The following WIPF3 variants were observed in gnomAD, a reference collection of about 807,000 sequenced individuals.
The protein encoded by WIPF3 is WAS/WASL-interacting protein family member 3.
A neutral mutation model predicts 38.9 loss-of-function variants in WIPF3; 33 were observed. That is an observed-to-expected ratio of 0.85 (90% CI 0.64 to 1.14). The LOEUF is 1.14. WIPF3 is among the 50% of genes most tolerant of loss of function. The pLI is 0.00. For synonymous variants in WIPF3, 324 were observed against 269.3 expected (o/e 1.20, Z -1.99); for missense variants, 711 against 652.5 (o/e 1.09, Z -0.98).
intron 7 of WIPF3, among the ~76,000 whole-genome samples, chr7:29,901,359 G>A (rs539566395): frequency 9.4e-5 from 14 of 149,014 alleles, no homozygotes; most frequent in Admixed American, 3.4e-4. Context: ...ACTAAGTCCC[G>A]GCCACTCACT....
At position 29,867,545 on chromosome 7, in the gene WIPF3, C is replaced by T. The variant is rs183266763; in HGVS notation, c.91-8285C>T. On this transcript the variant is annotated intron_variant, in intron 2 of 8. Coordinates refer to ENST00000242140, the MANE Select transcript of WIPF3 (RefSeq NM_001080529.3). ...CCATGCCCTTGACTCCTGGCTCTGCCCCCGCCCCCTCCACACCCCAGCTTT... is the reference window on the plus strand; with the variant it reads ...CCATGCCCTTGACTCCTGGCTCTGCTCCCGCCCCCTCCACACCCCAGCTTT... Among the ~76,000 whole-genome samples the T allele has an allele frequency of 2.5e-3, 379 of 150,392 alleles. 1 individual carries two copies. The highest frequency in any genetic ancestry group is 8.4e-3 in the African/African-American group (345 of 41,026).
At chr7:29,867,062 A>G (rs1192223105) in intron 2 of WIPF3, among the ~76,000 whole-genome samples, 2 of 152,244 alleles carry the variant, frequency 1.3e-5, no homozygotes, top group African/African-American at 4.8e-5. Context: ...AAATGAATTA[A>G]TACATGCAAA....
chr7:29,861,780 T>A (rs1219472626), intron 2 of WIPF3, among the ~76,000 whole-genome samples: 1 of 152,012 alleles, frequency 6.6e-6, no homozygotes, highest in Non-Finnish European at 1.5e-5. Context: ...CCCCTCAGGG[T>A]TGTTGGGAGA....
rs192258874 is a variant in WIPF3, at chr7:29,823,051, A to G, written c.-57-11617A>G. Among the ~76,000 whole-genome samples the G allele has an allele frequency of 2.8e-4, 43 of 152,266 alleles. No individual in the cohort carries two copies. In the East Asian group the frequency reaches 6.6e-3, roughly 23 times the overall value. Reference sequence around the variant, plus strand: ...ATATGCAATTTTAAATTTCTTTATTATTTATCTCAAAGCAGTACTCCTTTG... The same window carrying G: ...ATATGCAATTTTAAATTTCTTTATTGTTTATCTCAAAGCAGTACTCCTTTG... On this transcript the variant is annotated intron_variant, in intron 1 of 8. Transcript: ENST00000242140. The surrounding 1 kb of genome is among the most constrained non-coding windows in gnomAD (Gnocchi z 4.0).
chr7:29,839,823 A>G (rs1222742779), intron 2 of WIPF3, among the ~76,000 whole-genome samples: 1 of 152,226 alleles, frequency 6.6e-6, no homozygotes, highest in Non-Finnish European at 1.5e-5. Context: ...CAATTTGTCT[A>G]TGACTGTTTT....
At chr7:29,816,557 G>A (rs1199311425) in intron 1 of WIPF3, among the ~76,000 whole-genome samples, 3 of 150,758 alleles carry the variant, frequency 2.0e-5, no homozygotes, top group Non-Finnish European at 4.4e-5. Flanking sequence ...TTGAATGTTA[G>A]GCCTCAAGTA....
intron 2 of WIPF3, among the ~76,000 whole-genome samples, chr7:29,837,507 G>T (rs1784824865): frequency 6.6e-6 from 1 of 152,194 alleles, no homozygotes; most frequent in South Asian, 2.1e-4. Context: ...CTTCTTTAAA[G>T]ATGCTTAAAT....
chr7:29,901,381 T>G (rs1786271364), intron 7 of WIPF3, among the ~76,000 whole-genome samples: 1 of 93,946 alleles, frequency 1.1e-5, no homozygotes, highest in East Asian at 4.5e-4. Context: ...CTAGCAGCAG[T>G]GATTTTTTTT....
chr7:29,902,330 G>C, intron 7 of WIPF3, among the ~76,000 whole-genome samples: 1 of 133,596 alleles, frequency 7.5e-6, no homozygotes, highest in Middle Eastern at 4.6e-3. Flanking sequence ...AAATCTAGCA[G>C]TTACTATATA....
At chr7:29,846,640 G>A (rs559001325) in intron 2 of WIPF3, among the ~76,000 whole-genome samples, 1 of 152,346 alleles carries the variant, frequency 6.6e-6, no homozygotes, top group Admixed American at 6.5e-5. Context: ...GGCGGAGGTT[G>A]CAGTGAGCCA....
At chr7:29,912,060 C>G (rs1786514559) in intron 8 of WIPF3, among the ~76,000 whole-genome samples, 1 of 152,142 alleles carries the variant, frequency 6.6e-6, no homozygotes, top group East Asian at 1.9e-4. Flanking sequence ...ATGATATATA[C>G]AGAACTTATA....
At chr7:29,824,410 A>G (rs1482227358) in intron 1 of WIPF3, among the ~76,000 whole-genome samples, 3 of 152,252 alleles carry the variant, frequency 2.0e-5, no homozygotes, top group African/African-American at 4.8e-5. Context: ...AGGGGCAGTT[A>G]GCCCTCCCAA....
intron 6 of WIPF3, among the ~76,000 whole-genome samples, chr7:29,888,480 TGTGA>T (rs1234491210): frequency 6.7e-6 from 1 of 148,340 alleles, no homozygotes; most frequent in Non-Finnish European, 1.5e-5. Context: ...ATTTAAACTG[TGTGA>T]GTGTGTGTGC....
chr7:29,872,565 G>T (rs1430857954), intron 2 of WIPF3, among the ~76,000 whole-genome samples: 1 of 151,912 alleles, frequency 6.6e-6, no homozygotes, highest in Non-Finnish European at 1.5e-5. Flanking sequence ...AGGCCGAGGC[G>T]GGCGGATCAC....
At chr7:29,816,445 G>A (rs1014604194) in intron 1 of WIPF3, among the ~76,000 whole-genome samples, 6 of 152,018 alleles carry the variant, frequency 3.9e-5, no homozygotes, top group Admixed American at 2.0e-4. Context: ...TCAGCCTCCT[G>A]AGTAGCTGGG....
intron 1 of WIPF3, among the ~76,000 whole-genome samples, chr7:29,829,683 G>C (rs1784685138): frequency 6.6e-6 from 1 of 152,164 alleles, no homozygotes; most frequent in African/African-American, 2.4e-5. Context: ...AGAAAAGGAG[G>C]CCCAGTAAGG....
chr7:29,876,215 TA>T (rs1297880530), intron 3 of WIPF3, among the ~76,000 whole-genome samples: 2 of 152,252 alleles, frequency 1.3e-5, no homozygotes, highest in Non-Finnish European at 2.9e-5. Context: ...GACACCTATT[TA>T]AAAATTTTGA....
chr7:29,819,273 A>AGTTTC (rs879545589), intron 1 of WIPF3, among the ~76,000 whole-genome samples: 93 of 151,850 alleles, frequency 6.1e-4, no homozygotes, highest in South Asian at 2.9e-3. Context: ...ACTCTTCATA[A>AGTTTC]TGGTTGTCTG....
At position 29,849,750 on chromosome 7, in the gene WIPF3, T is replaced by C. The variant is rs1334442399; in HGVS notation, c.90+14936T>C. On this transcript the variant is annotated intron_variant, in intron 2 of 8. Transcript: ENST00000242140. ...ACACGTGTTTGTATTTCTTTATATA[T>C]ACATATTTGTTAAAGACCATCATCT... Among the ~76,000 whole-genome samples, 12 of 152,356 alleles carry C rather than the reference T, an allele frequency of 7.9e-5. No individual in the cohort carries two copies. The East Asian group carries it at 1.3e-3, about 17-fold the overall frequency.
Sources: allele counts gnomAD v4.1 joint callset (sites outside exome capture counted in the v4.1 genomes callset), GRCh38; gene constraint gnomAD v4.1.1; non-coding constraint Gnocchi (gnomAD v3.1); transcripts MANE v1.5; gene names NCBI Gene and HGNC (gene_info 2026-07-23, HGNC 2026-07-21).